SCMH1: variants seen among roughly 807,000 people sequenced by gnomAD.
SCMH1 encodes polycomb protein SCMH1.
Under a neutral mutation model 70.8 loss-of-function variants are expected in SCMH1, and 37 were observed. The observed-to-expected ratio is 0.52, with a 90% CI of 0.40 to 0.69. The LOEUF (loss-of-function observed/expected upper bound fraction) is 0.69, where lower values mean the gene tolerates loss of function less well. SCMH1 is among the 30% of genes least tolerant of loss of function. The pLI is 0.00. For synonymous variants in SCMH1, 292 were observed against 307.4 expected (o/e 0.95, Z 0.52); for missense variants, 607 against 827.3 (o/e 0.73, Z 3.27).
At chr1:41,156,941 A>G (rs566291241) in intron 4 of SCMH1, among the ~76,000 whole-genome samples, 49 of 147,194 alleles carry the variant, frequency 3.3e-4, no homozygotes, top group South Asian at 2.2e-4. Context: ...TGGGATTACA[A>G]GTATAAGCCA....
At chr1:41,126,268 G>T (rs1030880369) in intron 6 of SCMH1, among the ~76,000 whole-genome samples, 1 of 151,974 alleles carries the variant, frequency 6.6e-6, no homozygotes, top group African/African-American at 2.4e-5. Flanking sequence ...TACTGTGAAG[G>T]TTCTATGTTA....
chr1:41,065,715 TAG>T (rs753821044), intron 10 of SCMH1, among the ~76,000 whole-genome samples: 22 of 152,050 alleles, frequency 1.4e-4, no homozygotes, highest in East Asian at 1.4e-3. Flanking sequence ...CAATAAAAAA[TAG>T]AGAGTCTTTT....
intron 4 of SCMH1, among the ~76,000 whole-genome samples, chr1:41,154,082 T>C (rs1261541313): frequency 2.0e-5 from 3 of 152,210 alleles, no homozygotes; most frequent in Non-Finnish European, 4.4e-5. Context: ...TCAAACTTTA[T>C]TTACACAAAC....
chr1:41,033,805 G>T (rs1329139120), intron 13 of SCMH1, among the ~76,000 whole-genome samples, 178 bp downstream of exon 14: 3 of 152,194 alleles, frequency 2.0e-5, no homozygotes, highest in African/African-American at 7.2e-5. Context: ...AGGCTGTAAA[G>T]AGATTTATAC....
rs1382357156 is a variant in SCMH1 at position 41,111,703 on chromosome 1, G to C, written c.745+1580C>G. On this transcript the variant is annotated intron_variant, in intron 8 of 14. Coordinates refer to ENST00000337495, the Ensembl canonical transcript of SCMH1. ...TCACAGCAGTCTGCTTTCTGCCCTT[G>C]GAACACAGCAAACTCACTCATGTCT... is the stretch of plus-strand genomic sequence containing the variant. Among the ~76,000 whole-genome samples the C allele has an allele frequency of 2.0e-5, 3 of 152,178 alleles. No individual in the cohort carries two copies. In the East Asian group the frequency reaches 5.8e-4, roughly 29 times the overall value.
chr1:41,074,856 C>T (rs887074925), intron 9 of SCMH1, among the ~76,000 whole-genome samples: 1 of 152,086 alleles, frequency 6.6e-6, no homozygotes, highest in Non-Finnish European at 1.5e-5. Context: ...GATGAATGAC[C>T]GCCCCCAACC....
chr1:41,131,566 T>C (rs1199953652), intron 6 of SCMH1, among the ~76,000 whole-genome samples: 1 of 152,208 alleles, frequency 6.6e-6, no homozygotes, highest in East Asian at 1.9e-4. Flanking sequence ...TATTATTTTG[T>C]ATTATACTTT....
intron 2 of SCMH1, among the ~76,000 whole-genome samples, chr1:41,173,508 T>C (rs1455759299): frequency 2.6e-5 from 4 of 152,198 alleles, no homozygotes; most frequent in South Asian, 4.1e-4. Context: ...TTATTCACTG[T>C]TGGTGGTATT....
intron 1 of SCMH1, among the ~76,000 whole-genome samples, chr1:41,205,040 G>T (rs182311157): frequency 6.6e-6 from 1 of 152,134 alleles, no homozygotes; most frequent in Non-Finnish European, 1.5e-5. Context: ...AACAGTTAAG[G>T]AAAATCTCTT....
At chr1:41,220,497 C>T (rs1483951437) in intron 1 of SCMH1, among the ~76,000 whole-genome samples, 1 of 152,182 alleles carries the variant, frequency 6.6e-6, no homozygotes, top group Non-Finnish European at 1.5e-5. Context: ...TGTCTCATCT[C>T]TAACTAGACT....
rs556907304 is a variant in SCMH1, at chr1:41,199,816, T to A, written c.-117-13566A>T. On this transcript the variant is annotated intron_variant, in intron 1 of 14. Transcript: ENST00000337495. ...GATGAACTCAATGGAAGCCCAAACC[T>A]CAGCATCATGCAATATACCCTTGTA... Among the ~76,000 whole-genome samples the A allele has an allele frequency of 3.9e-4, 59 of 152,188 alleles. No individual in the cohort carries two copies. In the South Asian group the frequency reaches 6.9e-3, roughly 18 times the overall value.
At chr1:41,172,184 CAAA>C (rs377457192) in intron 2 of SCMH1, among the ~76,000 whole-genome samples, 1 of 85,808 alleles carries the variant, frequency 1.2e-5, no homozygotes, top group Non-Finnish European at 2.3e-5. Flanking sequence ...GACTCCATCT[CAAA>C]AAAAAAAAAA....
chr1:41,116,954 C>A (rs1670616930), exon 7 of SCMH1: 2 of 1,603,714 alleles, frequency 1.2e-6, no homozygotes, highest in African/African-American at 2.7e-5. Flanking sequence ...GCCATCTCTG[C>A]TCCATTTAGC....
intron 2 of SCMH1, among the ~76,000 whole-genome samples, chr1:41,165,588 T>C (rs376107141): frequency 7.2e-5 from 11 of 152,278 alleles, no homozygotes; most frequent in Admixed American, 5.9e-4. Context: ...TAAAAGGTGT[T>C]GGCTATAGGG....
intron 12 of SCMH1, among the ~76,000 whole-genome samples, chr1:41,040,559 T>C (rs1343852391): frequency 6.6e-6 from 1 of 152,114 alleles, no homozygotes; most frequent in Non-Finnish European, 1.5e-5. Context: ...AAGGCAGATT[T>C]CAGCTTTAAA....
chr1:41,152,867 C>G (rs1338971944), intron 4 of SCMH1: 7 of 913,050 alleles, frequency 7.7e-6, no homozygotes, highest in Non-Finnish European at 9.5e-6. Context: ...CTACCCTTAA[C>G]TAAGCCAAAT....
chr1:41,118,326 T>C (rs1339304513), intron 6 of SCMH1, among the ~76,000 whole-genome samples: 3 of 152,106 alleles, frequency 2.0e-5, no homozygotes, highest in Non-Finnish European at 2.9e-5. Context: ...TAGAAAACTT[T>C]CTAGGCATTT....
At chr1:41,130,213 T>A (rs12135481) in intron 6 of SCMH1, among the ~76,000 whole-genome samples, 11,871 of 152,234 alleles carry the variant, frequency 0.078, 593 homozygotes, top group South Asian at 0.13. Flanking sequence ...TTATTTTTAA[T>A]TTTTTAAATA....
At chr1:41,112,379 T>C (rs1016120225) in intron 8 of SCMH1, among the ~76,000 whole-genome samples, 1 of 152,104 alleles carries the variant, frequency 6.6e-6, no homozygotes, top group Non-Finnish European at 1.5e-5. Context: ...TTTTTAGACT[T>C]AAGAGGATGA....
Sources: allele counts gnomAD v4.1 joint callset (sites outside exome capture counted in the v4.1 genomes callset), GRCh38; gene constraint gnomAD v4.1.1; transcripts MANE v1.5; gene names NCBI Gene and HGNC (gene_info 2026-07-23, HGNC 2026-07-21).